Variants in SEC14L5 observed in about 807,000 individuals in gnomAD.
The protein encoded by SEC14L5 is SEC14-like protein 5.
A neutral mutation model predicts 84.6 loss-of-function variants in SEC14L5; 96 were observed. The observed-to-expected ratio is 1.13, with a 90% CI of 0.96 to 1.34. The LOEUF is 1.34. Ranked by LOEUF, SEC14L5 falls within the 40% of genes most tolerant of loss-of-function variation. The probability of loss-of-function intolerance (pLI) is 0.00; values close to 1 mark genes in which losing one functional copy is unlikely to be tolerated. For synonymous variants in SEC14L5, 546 were observed against 383.4 expected (o/e 1.42, Z -4.95); for missense variants, 1,224 against 942.5 (o/e 1.30, Z -3.91).
In SEC14L5 at chr16:5,005,587, C is replaced by T. The variant is rs965543456; in HGVS notation, c.1303-327C>T. 1.6e-4 allele frequency among the ~76,000 whole-genome samples: 25 copies of T among 152,044 alleles called. No individual in the cohort carries two copies. The South Asian group carries it at 2.7e-3, about 16-fold the overall frequency. Reference sequence around the variant, plus strand: ...ATAAAAAAATACATCCATGGTCAGGCGTGGTGGCTCACACCTGTAATCCCA... The same window carrying T: ...ATAAAAAAATACATCCATGGTCAGGTGTGGTGGCTCACACCTGTAATCCCA... On this transcript the variant is annotated intron_variant, in intron 11 of 15. Transcript: ENST00000251170.
rs1955718523 is a variant in SEC14L5 at position 5,005,340 on chromosome 16, C to T, written c.1303-574C>T. ...CGAAACAAAAACAAAAAAGAAACGC[C>T]CAGAATAGGCAAATCCACAGAGACA... On this transcript the variant is annotated intron_variant, in intron 11 of 15. Coordinates refer to ENST00000251170, the MANE Select transcript of SEC14L5 (RefSeq NM_014692.2). Among the ~76,000 whole-genome samples the T allele has an allele frequency of 1.3e-5, 2 of 151,346 alleles. 1 individual carries two copies. The highest frequency in any genetic ancestry group is 4.2e-4 in the South Asian group (2 of 4,764).
intron 2 of SEC14L5, among the ~76,000 whole-genome samples, chr16:4,965,562 G>A (rs573570683): frequency 6.7e-6 from 1 of 148,174 alleles, no homozygotes; most frequent in Non-Finnish European, 1.5e-5. Context: ...TCGGGAGGCT[G>A]AGGCAGGAGA....
chr16:5,014,933 C>G lies in SEC14L5; in HGVS notation c.2054C>G (p.Ser685Cys), dbSNP rs775997094. 1.2e-6 allele frequency: 2 copies of G among 1,612,682 alleles called. No homozygotes were observed. The highest frequency in any genetic ancestry group is 1.7e-6 in the Non-Finnish European group (2 of 1,179,858). ...QLSAATSSSS[S>C]GQSHSSSLVS... The stretch of plus-strand genomic sequence containing the variant: ...AGCGCCGCCACCTCGTCCTCCTCCT[C>G]CGGCCAGTCTCATAGCAGCTCCCTG... Residue 685 changes from serine (S) to cysteine (C), a missense_variant, in exon 16 of 16, where the codon TCC (serine) becomes TGC (cysteine). Physicochemically the swap from Ser to Cys is moderately radical, Grantham distance 112. Coordinates refer to ENST00000251170, the MANE Select transcript of SEC14L5 (RefSeq NM_014692.2).
chr16:4,992,205 T>A (rs1287923688), intron 6 of SEC14L5, among the ~76,000 whole-genome samples, 175 bp downstream of exon 6: 1 of 152,242 alleles, frequency 6.6e-6, no homozygotes, highest in African/African-American at 2.4e-5. Flanking sequence ...TCTCTCTCCA[T>A]CCTGGTCCAA....
At chr16:4,991,801 C>A (rs752910954) in intron 5 of SEC14L5, 37 bp from the exon 6 acceptor site, 8 of 1,479,572 alleles carry the variant, frequency 5.4e-6, no homozygotes, top group South Asian at 5.1e-5. Context: ...TCCATCCTGC[C>A]CCGTGCTCAT....
At chr16:5,003,702 C>G in intron 11 of SEC14L5, 129 bp downstream of exon 11, 2 of 642,808 alleles carry the variant, frequency 3.1e-6, no homozygotes, top group South Asian at 4.2e-5. Context: ...ATGAAACTCA[C>G]ATAGCATAAA....
In SEC14L5 at chr16:4,966,601, TATTA is replaced by T. The variant is rs543681668; in HGVS notation, c.63+7219_63+7222del. 9.2e-5 allele frequency among the ~76,000 whole-genome samples: 14 copies of T among 152,238 alleles called. 2 individuals are homozygous for T. In the South Asian group the frequency reaches 2.7e-3, roughly 29 times the overall value. ...AGACACTGCTCTGAGTCTATTCACT[TATTA>T]ATTCCTCATAGCCACCCCATGAGAT... On this transcript the variant is annotated intron_variant, in intron 2 of 15. Transcript: ENST00000251170.
intron 2 of SEC14L5, among the ~76,000 whole-genome samples, chr16:4,966,767 C>G (rs1306915352): frequency 2.6e-5 from 4 of 152,182 alleles, no homozygotes; most frequent in African/African-American, 9.7e-5. Flanking sequence ...ACTATGAGCT[C>G]TACCATTTTT....
At chr16:4,988,443 G>C (rs534274756) in intron 4 of SEC14L5, among the ~76,000 whole-genome samples, 163 bp downstream of exon 4, 2 of 152,212 alleles carry the variant, frequency 1.3e-5, no homozygotes, top group Non-Finnish European at 2.9e-5. Flanking sequence ...TTTGCATTCC[G>C]ATGAACAACC....
chr16:4,977,446 C>CAAAAA (rs762657125), intron 2 of SEC14L5, among the ~76,000 whole-genome samples: 30 of 66,150 alleles, frequency 4.5e-4, no homozygotes, highest in Non-Finnish European at 6.6e-4. Context: ...GACTCCGTCT[C>CAAAAA]AAAAAAAAAA....
rs370276748 is a variant in SEC14L5, at chr16:4,988,196, C to A, written c.261C>A (p.Asn87Lys). The change falls in exon 4 of 16, where the codon AAC (asparagine) becomes AAA (lysine). Residue 87 changes from asparagine to lysine, a missense_variant. Physicochemically the swap from Asn to Lys is moderately conservative, Grantham distance 94 (BLOSUM62 0). Transcript: ENST00000251170. ...TCTTCGTGCAGACAAACATCTTGAA[C>A]TGGAAGGAGAGGACGCTCCTCATCG... ...HVVFVQTNILNWKERTLLIEA... is the reference protein window; with the variant it reads ...HVVFVQTNILKWKERTLLIEA... The A allele has an allele frequency of 1.6e-5, 25 of 1,609,326 alleles. No homozygotes were observed. The South Asian group carries it at 2.0e-4, about 13-fold the overall frequency.
At chr16:4,969,770 AG>A (rs1450933141) in intron 2 of SEC14L5, among the ~76,000 whole-genome samples, 1 of 150,804 alleles carries the variant, frequency 6.6e-6, no homozygotes, top group Non-Finnish European at 1.5e-5. Context: ...CATTAAGGGA[AG>A]CTCCAGGAAG....
At chr16:4,985,762 C>T (rs1411815876) in intron 2 of SEC14L5, among the ~76,000 whole-genome samples, 3 of 150,286 alleles carry the variant, frequency 2.0e-5, no homozygotes, top group African/African-American at 7.3e-5. Context: ...TTTATAGATA[C>T]AATATATATT....
chr16:5,000,635 G>T lies in SEC14L5; in HGVS notation c.971-20G>T. 6.5e-7 allele frequency: 1 copy of T among 1,540,688 alleles called. No individual in the cohort carries two copies. Among genetic ancestry groups the T allele is most frequent in the Non-Finnish European group, 8.8e-7 (1 of 1,137,702 alleles). On this transcript the variant is annotated intron_variant, in intron 8 of 15. Coordinates refer to ENST00000251170, the MANE Select transcript of SEC14L5 (RefSeq NM_014692.2). The stretch of plus-strand genomic sequence containing the variant: ...CTCTAAATAACGGGCTCTTCTTTCT[G>T]CTTGGCCCCATCCACAAAGATGGCC...
intron 2 of SEC14L5, among the ~76,000 whole-genome samples, chr16:4,985,543 T>C (rs915969604): frequency 3.3e-5 from 5 of 152,162 alleles, no homozygotes; most frequent in Admixed American, 6.6e-5. Flanking sequence ...TTCATTCTGT[T>C]GCATGTGTAT....
At chr16:4,988,990 C>G (rs768371500) in intron 4 of SEC14L5, among the ~76,000 whole-genome samples, 2 of 152,200 alleles carry the variant, frequency 1.3e-5, no homozygotes, top group African/African-American at 2.4e-5. Context: ...GGTAGGGGCA[C>G]TGAAGCTGAG....
chr16:4,986,869 G>A (rs1050991279), intron 2 of SEC14L5, among the ~76,000 whole-genome samples: 1 of 151,904 alleles, frequency 6.6e-6, no homozygotes, highest in Non-Finnish European at 1.5e-5. Context: ...TTTCTATATT[G>A]GTTTTATATC....
At chr16:5,005,289 TGG>T (rs1955717891) in intron 11 of SEC14L5, among the ~76,000 whole-genome samples, 1 of 151,814 alleles carries the variant, frequency 6.6e-6, no homozygotes, top group African/African-American at 2.4e-5. Context: ...CACTCAAGCC[TGG>T]GAGACAGAGC....
chr16:4,965,772 T>G (rs1955194262), intron 2 of SEC14L5, among the ~76,000 whole-genome samples: 1 of 150,698 alleles, frequency 6.6e-6, no homozygotes, highest in African/African-American at 2.4e-5. Flanking sequence ...CCAGTTGTGG[T>G]GGCTCACGCA....
Sources: allele counts gnomAD v4.1 joint callset (sites outside exome capture counted in the v4.1 genomes callset), GRCh38; gene constraint gnomAD v4.1.1; transcripts MANE v1.5; gene names NCBI Gene and HGNC (gene_info 2026-07-23, HGNC 2026-07-21).